The following JAK1 variants were observed in gnomAD, a reference collection of about 807,000 sequenced individuals.
JAK1 encodes the protein tyrosine-protein kinase JAK1.
Under a neutral mutation model 136.6 loss-of-function variants are expected in JAK1, and 16 were observed. The observed-to-expected ratio is 0.12, with a 90% CI of 0.08 to 0.18. JAK1 has a LOEUF of 0.18. JAK1 is among the 10% of genes least tolerant of loss of function. The pLI is 1.00. For missense variants in JAK1, 859 were observed against 1,450.1 expected (o/e 0.59, Z 6.62); for synonymous variants, 492 against 519.5 (o/e 0.95, Z 0.72).
At position 65,057,473 on chromosome 1, in the gene JAK1, G is replaced by C. The variant is rs1303232673; in HGVS notation, c.-181+10131C>G. Among the ~76,000 whole-genome samples, 7 of 152,288 alleles carry C rather than the reference G, an allele frequency of 4.6e-5. No homozygotes were observed. In the East Asian group the frequency reaches 9.6e-4, roughly 21 times the overall value. ...CCCAGCACTTTGGGAGGCTGAGGTGGGAGAATCAATTAAGCTCAGGAGGTC... is the reference window on the plus strand; with the variant it reads ...CCCAGCACTTTGGGAGGCTGAGGTGCGAGAATCAATTAAGCTCAGGAGGTC... On this transcript the variant is annotated intron_variant, in intron 1 of 25. Coordinates refer to the JAK1 transcript ENST00000671954.
chr1:64,963,877 T>C (rs1193832460), intron 1 of JAK1, among the ~76,000 whole-genome samples: 11 of 152,176 alleles, frequency 7.2e-5, no homozygotes, highest in African/African-American at 1.9e-4. Context: ...TTGTGCGTTA[T>C]AGGATGTTTA....
chr1:64,838,816 A>C (rs879307345), intron 20 of JAK1, among the ~76,000 whole-genome samples: 3 of 152,216 alleles, frequency 2.0e-5, no homozygotes, highest in Non-Finnish European at 2.9e-5. Flanking sequence ...GATAACAGTC[A>C]GAGTGCTCTG....
chr1:64,971,292 T>G (rs142455716), upstream of JAK1, among the ~76,000 whole-genome samples: 1 of 152,338 alleles, frequency 6.6e-6, no homozygotes, highest in East Asian at 1.9e-4. Flanking sequence ...TCCTTAAACT[T>G]AATTGTAATT....
intron 1 of JAK1, among the ~76,000 whole-genome samples, chr1:64,909,613 G>A (rs1570752386): frequency 6.7e-6 from 1 of 149,936 alleles, no homozygotes; most frequent in Non-Finnish European, 1.5e-5. Flanking sequence ...TTGAGGCCAG[G>A]AGTTCAAGAC....
intron 2 of JAK1, among the ~76,000 whole-genome samples, chr1:65,008,044 CTCTTATT>C (rs1263480265): frequency 6.6e-6 from 1 of 152,166 alleles, no homozygotes; most frequent in Non-Finnish European, 1.5e-5. Flanking sequence ...CATGCCTGGC[CTCTTATT>C]TCTTATTTCT....
At chr1:64,944,508 A>G (rs1645948193) in intron 1 of JAK1, among the ~76,000 whole-genome samples, 1 of 152,212 alleles carries the variant, frequency 6.6e-6, no homozygotes, top group Admixed American at 6.5e-5. Context: ...ATAACATACA[A>G]GATTTAGCCA....
Position 65,009,949 on chromosome 1 carries a change from G to C in JAK1, c.-78+34531C>G, listed in dbSNP as rs376803796. Among the ~76,000 whole-genome samples, 18 of 152,306 alleles carry C rather than the reference G, an allele frequency of 1.2e-4. 1 individual carries two copies. The highest frequency in any genetic ancestry group is 3.3e-4 in the Admixed American group (5 of 15,296). On this transcript the variant is annotated intron_variant, in intron 2 of 25. Coordinates refer to the JAK1 transcript ENST00000671954. Reference sequence around the variant, plus strand: ...CATGTCACATGAGAGAAAACTAGGAGCTCTATCTTAGTGTACTGCAATGGA... The same window carrying C: ...CATGTCACATGAGAGAAAACTAGGACCTCTATCTTAGTGTACTGCAATGGA...
At chr1:64,953,356 T>C (rs1646124878) in intron 1 of JAK1, among the ~76,000 whole-genome samples, 1 of 152,110 alleles carries the variant, frequency 6.6e-6, no homozygotes, top group African/African-American at 2.4e-5. Context: ...AAGGCTCAAT[T>C]ATGAGCCCAA....
chr1:64,967,575 C>T (rs114069913), upstream of JAK1, among the ~76,000 whole-genome samples: 12 of 152,326 alleles, frequency 7.9e-5, no homozygotes, highest in Non-Finnish European at 1.5e-4. Context: ...GCTGCCCCAC[C>T]TGTGCTGACT....
chr1:64,892,286 G>A (rs370740142), intron 1 of JAK1, among the ~76,000 whole-genome samples: 1 of 151,886 alleles, frequency 6.6e-6, no homozygotes, highest in Non-Finnish European at 1.5e-5. Flanking sequence ...TGCTTTTTTG[G>A]GGGGGATGGA....
intron 12 of JAK1, among the ~76,000 whole-genome samples, chr1:64,848,267 T>C (rs1352406378): frequency 3.9e-5 from 6 of 152,190 alleles, no homozygotes; most frequent in Admixed American, 2.6e-4. Context: ...GGGGGATGCG[T>C]AGAAACCCAT....
At chr1:65,055,174 C>T (rs567739121) in intron 1 of JAK1, among the ~76,000 whole-genome samples, 1 of 152,304 alleles carries the variant, frequency 6.6e-6, no homozygotes, top group South Asian at 2.1e-4. Context: ...CCCCTCTCCC[C>T]CAGCTCCTGG....
chr1:64,996,804 A>T (rs574650901), intron 2 of JAK1, among the ~76,000 whole-genome samples: 11 of 152,372 alleles, frequency 7.2e-5, no homozygotes, highest in Admixed American at 2.0e-4. Flanking sequence ...CATCAGCTCA[A>T]GCTGAAGCTC....
intron 7 of JAK1, among the ~76,000 whole-genome samples, chr1:64,866,236 A>G (rs183349037): frequency 4.6e-5 from 7 of 152,346 alleles, no homozygotes; most frequent in Non-Finnish European, 8.8e-5. Context: ...AGCTGCTGAT[A>G]AAGGTGAAAT....
intron 1 of JAK1, among the ~76,000 whole-genome samples, chr1:64,936,510 A>T (rs1274058690): frequency 6.6e-6 from 1 of 152,200 alleles, no homozygotes; most frequent in Admixed American, 6.5e-5. Flanking sequence ...TCCCATGAAG[A>T]CAAAGAGAGG....
intron 1 of JAK1, among the ~76,000 whole-genome samples, chr1:64,917,491 C>G (rs975740796): frequency 4.6e-5 from 7 of 152,174 alleles, no homozygotes; most frequent in Non-Finnish European, 1.5e-5. Flanking sequence ...TGTGGCCAGC[C>G]TCAGAGGATG....
rs530101587 is a variant in JAK1 at position 64,955,023 on chromosome 1, C to A, written c.-78+11310G>T. Among the ~76,000 whole-genome samples the A allele has an allele frequency of 3.9e-5, 6 of 152,308 alleles. No homozygotes were observed. In the East Asian group the frequency reaches 1.2e-3, roughly 29 times the overall value. ...TTCCAAAATACTTGATGATCCTTTA[C>A]AAAACTGTACCACCTATACAAGAAT... On this transcript the variant is annotated intron_variant, in intron 1 of 24. Coordinates refer to ENST00000342505, the MANE Select transcript of JAK1 (RefSeq NM_002227.4).
At chr1:64,897,025 C>T (rs1645023939) in intron 1 of JAK1, among the ~76,000 whole-genome samples, 1 of 152,092 alleles carries the variant, frequency 6.6e-6, no homozygotes, top group South Asian at 2.1e-4. Flanking sequence ...TCACAGCAGG[C>T]ATGCAATACT....
At chr1:64,983,431 A>G (rs1273583278) in intron 2 of JAK1, among the ~76,000 whole-genome samples, 1 of 152,232 alleles carries the variant, frequency 6.6e-6, no homozygotes, top group Non-Finnish European at 1.5e-5. Flanking sequence ...CCCAGAGCTG[A>G]GGCTACAAAT....
Sources: allele counts gnomAD v4.1 joint callset (sites outside exome capture counted in the v4.1 genomes callset), GRCh38; gene constraint gnomAD v4.1.1; transcripts MANE v1.5; gene names NCBI Gene and HGNC (gene_info 2026-07-23, HGNC 2026-07-21).